The following DLG2 variants were observed in gnomAD, a reference collection of about 807,000 sequenced individuals.
DLG2 encodes discs large MAGUK scaffold protein 2.
Under a neutral mutation model 132.5 loss-of-function variants are expected in DLG2, and 45 were observed. The observed-to-expected ratio is 0.34, with a 90% CI of 0.27 to 0.44. The LOEUF is 0.44. DLG2 is among the 20% of genes least tolerant of loss of function. The probability of loss-of-function intolerance (pLI) is 1.00; values close to 1 mark genes in which losing one functional copy is unlikely to be tolerated. For synonymous variants in DLG2, 424 were observed against 419.6 expected (o/e 1.01, Z -0.13); for missense variants, 1,045 against 1,196.9 (o/e 0.87, Z 1.87).
chr11:84,872,367 A>G (rs1221102232), intron 6 of DLG2, among the ~76,000 whole-genome samples: 2 of 152,224 alleles, frequency 1.3e-5, no homozygotes, highest in Non-Finnish European at 2.9e-5. Context: ...ACATCATTAA[A>G]ACACCAGCCA....
intron 6 of DLG2, among the ~76,000 whole-genome samples, chr11:84,912,460 C>A (rs1356833252): frequency 6.6e-6 from 1 of 152,190 alleles, no homozygotes; most frequent in African/African-American, 2.4e-5. Context: ...CCGGCCTTTA[C>A]TGAAATATTT....
intron 18 of DLG2, among the ~76,000 whole-genome samples, chr11:83,741,120 C>A (rs2092473155): frequency 6.6e-6 from 1 of 151,978 alleles, no homozygotes; most frequent in Non-Finnish European, 1.5e-5. Flanking sequence ...TGATAAAAAC[C>A]CTTAACAGAC....
intron 17 of DLG2, among the ~76,000 whole-genome samples, chr11:83,802,648 C>T (rs1442672930): frequency 6.6e-6 from 1 of 152,012 alleles, no homozygotes; most frequent in Non-Finnish European, 1.5e-5. Context: ...AGATAATGAA[C>T]TATTCATATA....
chr11:83,749,041 T>C (rs1028049619), intron 18 of DLG2, among the ~76,000 whole-genome samples: 3 of 152,202 alleles, frequency 2.0e-5, no homozygotes, highest in African/African-American at 4.8e-5. Context: ...CTGAGGCAGC[T>C]GCAGTATGTA....
chr11:85,471,674 G>A (rs1034262385), intron 3 of DLG2, among the ~76,000 whole-genome samples: 3 of 152,102 alleles, frequency 2.0e-5, no homozygotes, highest in African/African-American at 7.2e-5. Flanking sequence ...AGATAAAAAA[G>A]CCCAAAGGAA....
intron 9 of DLG2, among the ~76,000 whole-genome samples, chr11:84,131,845 A>G (rs1161905039): frequency 6.6e-6 from 1 of 151,840 alleles, no homozygotes; most frequent in African/African-American, 2.4e-5. Flanking sequence ...AAAATTACTT[A>G]TTTATCTTTT....
At chr11:84,945,657 TC>T (rs1566473764) in intron 6 of DLG2, among the ~76,000 whole-genome samples, 1 of 152,070 alleles carries the variant, frequency 6.6e-6, no homozygotes. Context: ...GCAGCAAGCT[TC>T]CCCCAGCCTG....
chr11:84,875,156 A>G (rs76672712), intron 6 of DLG2, among the ~76,000 whole-genome samples: 142 of 152,256 alleles, frequency 9.3e-4, no homozygotes, highest in African/African-American at 3.3e-3. Flanking sequence ...TGATATTAAG[A>G]ATGACGGAGG....
At chr11:84,650,157 C>G (rs973371895) in intron 6 of DLG2, among the ~76,000 whole-genome samples, 7 of 152,156 alleles carry the variant, frequency 4.6e-5, no homozygotes, top group African/African-American at 1.7e-4. Flanking sequence ...CCTCTTTCCT[C>G]TATTTTAACT....
intron 6 of DLG2, among the ~76,000 whole-genome samples, chr11:84,779,315 T>C (rs879412564): frequency 1.3e-5 from 2 of 152,152 alleles, no homozygotes; most frequent in Non-Finnish European, 2.9e-5. Flanking sequence ...GGTACTCTTT[T>C]TTTGTTGCTA....
intron 3 of DLG2, among the ~76,000 whole-genome samples, chr11:85,413,205 T>C (rs2089504869): frequency 6.6e-6 from 1 of 152,058 alleles, no homozygotes; most frequent in African/African-American, 2.4e-5. Flanking sequence ...CATTTGTATA[T>C]CTTCTTTTGA....
chr11:85,279,592 C>A (rs534889773), intron 4 of DLG2, among the ~76,000 whole-genome samples: 2 of 152,032 alleles, frequency 1.3e-5, no homozygotes, highest in African/African-American at 4.8e-5. Flanking sequence ...TCCTATTTAT[C>A]AGTGTTTACT....
chr11:83,984,217 GATAGATAGAT>G (rs1565911491), intron 11 of DLG2, among the ~76,000 whole-genome samples: 68 of 151,556 alleles, frequency 4.5e-4, no homozygotes, highest in African/African-American at 1.6e-3. Context: ...TAGATAGATA[GATAGATAGAT>G]AGATAGATAA....
At chr11:83,672,341 C>G (rs111772012) in intron 18 of DLG2, among the ~76,000 whole-genome samples, 13,164 of 152,058 alleles carry the variant, frequency 0.087, 719 homozygotes, top group Middle Eastern at 0.14. Context: ...CCACGCCCGG[C>G]TAATTTTGTA....
intron 14 of DLG2, among the ~76,000 whole-genome samples, chr11:83,954,035 A>G (rs2086182656): frequency 6.6e-6 from 1 of 152,254 alleles, no homozygotes; most frequent in South Asian, 2.1e-4. Flanking sequence ...AGCTATGTAT[A>G]TGCAATTACC....
chr11:85,052,507 C>A (rs937309847), intron 6 of DLG2, among the ~76,000 whole-genome samples: 1 of 152,092 alleles, frequency 6.6e-6, no homozygotes. Flanking sequence ...ATTTTAACAA[C>A]ATAAGCAAAA....
intron 12 of DLG2, among the ~76,000 whole-genome samples, chr11:83,966,827 A>G (rs1391936858): frequency 6.6e-6 from 1 of 152,092 alleles, no homozygotes; most frequent in African/African-American, 2.4e-5. Context: ...TATGTTACAC[A>G]TTAGACCTCT....
At position 85,237,502 on chromosome 11, in the gene DLG2, T is replaced by C. The variant is rs918883268; in HGVS notation, c.186+47718A>G. Among the ~76,000 whole-genome samples, 2 of 152,054 alleles carry C rather than the reference T, an allele frequency of 1.3e-5. 1 individual carries two copies. The highest frequency in any genetic ancestry group is 4.8e-5 in the African/African-American group (2 of 41,436). On this transcript the variant is annotated intron_variant, in intron 4 of 27. Transcript: ENST00000376104. ...TGACCTTTGTGCAGTCAAAAATCCATTTAAAACTTGACTCCCCCAAAACTT... is the reference window on the plus strand; with the variant it reads ...TGACCTTTGTGCAGTCAAAAATCCACTTAAAACTTGACTCCCCCAAAACTT...
intron 26 of DLG2, among the ~76,000 whole-genome samples, chr11:83,464,462 T>C (rs2090637121): frequency 6.6e-6 from 1 of 152,034 alleles, no homozygotes; most frequent in Non-Finnish European, 1.5e-5. Flanking sequence ...TGGAAAAGAG[T>C]GAACTGTAAA....
Sources: gnomAD v4.1 joint callset for allele counts (sites outside exome capture counted in the v4.1 genomes callset) on GRCh38, gnomAD v4.1.1 for gene constraint, MANE v1.5 for transcripts, NCBI Gene and HGNC (gene_info 2026-07-23, HGNC 2026-07-21) for gene names.